The following GABRG3 variants were observed in gnomAD, a reference collection of about 807,000 sequenced individuals.
The protein encoded by GABRG3 is gamma-aminobutyric acid type A receptor subunit gamma3, also known as gamma-aminobutyric acid receptor subunit gamma-3.
In GABRG3, 25 loss-of-function variants were observed where a neutral mutation model predicts 48.8. The ratio of observed to expected loss-of-function variants is 0.51; its 90% CI spans 0.37 to 0.72. The LOEUF (loss-of-function observed/expected upper bound fraction) is 0.72. Among genes scored for constraint, GABRG3 ranks in the 30% least tolerant of loss-of-function variants. The pLI is 0.00. For missense variants in GABRG3, 394 were observed against 577.9 expected, an observed-to-expected ratio of 0.68 and a Z score of 3.26; for synonymous variants, 227 against 217.6, an observed-to-expected ratio of 1.04 and a Z score of -0.38.
At chr15:27,492,133 T>C (rs1335163744) in intron 6 of GABRG3, among the ~76,000 whole-genome samples, 1 of 152,192 alleles carries the variant, frequency 6.6e-6, no homozygotes, top group Non-Finnish European at 1.5e-5. Context: ...TTGTCAGGAC[T>C]AATTATGCTC....
chr15:27,262,683 C>T (rs1489116227), intron 3 of GABRG3, among the ~76,000 whole-genome samples: 1 of 152,196 alleles, frequency 6.6e-6, no homozygotes, highest in Non-Finnish European at 1.5e-5. Flanking sequence ...AATTACATGA[C>T]TTAGAAGAAA....
At chr15:27,162,785 CAGT>C (rs1887239158) in intron 3 of GABRG3, among the ~76,000 whole-genome samples, 2 of 152,118 alleles carry the variant, frequency 1.3e-5, no homozygotes, top group African/African-American at 4.8e-5. Flanking sequence ...TCTGCATTCA[CAGT>C]TGGGATAAGG....
intron 5 of GABRG3, among the ~76,000 whole-genome samples, chr15:27,429,949 G>A (rs187094676): frequency 6.6e-6 from 1 of 152,250 alleles, no homozygotes; most frequent in Non-Finnish European, 1.5e-5. Context: ...GAATTCTGTG[G>A]TCCTATGGAA....
chr15:27,420,327 G>A (rs1435679936), intron 5 of GABRG3, among the ~76,000 whole-genome samples: 1 of 152,174 alleles, frequency 6.6e-6, no homozygotes, highest in East Asian at 1.9e-4. Flanking sequence ...AAATAATCCA[G>A]ACACAGAAAG....
chr15:27,438,359 A>C (rs1213142640), intron 5 of GABRG3, among the ~76,000 whole-genome samples: 1 of 152,252 alleles, frequency 6.6e-6, no homozygotes, highest in African/African-American at 2.4e-5. Context: ...CATTTTTATG[A>C]AGAATTTCAT....
intron 5 of GABRG3, among the ~76,000 whole-genome samples, chr15:27,371,581 T>C (rs1392369277): frequency 6.6e-6 from 1 of 152,188 alleles, no homozygotes; most frequent in African/African-American, 2.4e-5. Flanking sequence ...TAGTTAAGGT[T>C]AAATGATCTT....
chr15:27,015,999 A>G (rs1428219055), intron 2 of GABRG3, among the ~76,000 whole-genome samples: 2 of 151,446 alleles, frequency 1.3e-5, no homozygotes, highest in African/African-American at 4.9e-5. Flanking sequence ...GACTCCACCT[A>G]CCTCTTTGTA....
At chr15:27,364,798 C>T (rs1895136838) in intron 5 of GABRG3, 1 of 152,184 alleles carries the variant, frequency 6.6e-6, no homozygotes, top group African/African-American at 2.4e-5. Context: ...CAAAGGTAAT[C>T]ATAAAGGAGT....
chr15:27,388,255 AAGGAAAGGAG>A (rs1450168112), intron 5 of GABRG3, among the ~76,000 whole-genome samples: 1 of 51,378 alleles, frequency 1.9e-5, no homozygotes, highest in East Asian at 9.9e-4. Flanking sequence ...GAAAGGAAGG[AAGGAAAGGAG>A]GGAGGGAGGG....
At chr15:27,507,178 G>T (rs1394295947) in intron 6 of GABRG3, among the ~76,000 whole-genome samples, 1 of 152,004 alleles carries the variant, frequency 6.6e-6, no homozygotes, top group Non-Finnish European at 1.5e-5. Flanking sequence ...ATAGTCTAAG[G>T]ACTTACTTTG....
intron 2 of GABRG3, among the ~76,000 whole-genome samples, chr15:27,020,359 T>A (rs1407217019): frequency 6.6e-6 from 1 of 152,226 alleles, no homozygotes; most frequent in Non-Finnish European, 1.5e-5. Flanking sequence ...TTTGTCCTTG[T>A]CAACACCTAT....
At chr15:27,065,626 A>T (rs1370076462) in intron 3 of GABRG3, among the ~76,000 whole-genome samples, 1 of 152,178 alleles carries the variant, frequency 6.6e-6, no homozygotes, top group Non-Finnish European at 1.5e-5. Context: ...TGTTGTTTTG[A>T]TAAAAGATGT....
At chr15:27,386,809 T>C (rs1006375752) in intron 5 of GABRG3, among the ~76,000 whole-genome samples, 4 of 152,216 alleles carry the variant, frequency 2.6e-5, no homozygotes, top group Non-Finnish European at 5.9e-5. Context: ...CTAGACATTT[T>C]TAATTATAAC....
intron 5 of GABRG3, among the ~76,000 whole-genome samples, chr15:27,350,588 C>G (rs1894530695): frequency 6.6e-6 from 1 of 152,150 alleles, no homozygotes; most frequent in South Asian, 2.1e-4. Context: ...CCCCTCCTCT[C>G]TACGTCCAGG....
intron 2 of GABRG3, among the ~76,000 whole-genome samples, chr15:27,020,581 T>C (rs1895873557): frequency 9.0e-6 from 1 of 111,102 alleles, no homozygotes; most frequent in Non-Finnish European, 1.7e-5. Flanking sequence ...CCGGCTAATT[T>C]TTTTTTTTTG....
In GABRG3 at chr15:27,540,705, G is replaced by GC. The variant is rs1483459798; in HGVS notation, c.*7824_*7825insC. The GC allele has an allele frequency of 6.6e-6, 1 of 152,214 alleles. No homozygotes were observed. Among genetic ancestry groups the GC allele is most frequent in the Non-Finnish European group, 1.5e-5 (1 of 68,042 alleles). The allele number at this position is 152,214 out of a possible 1,614,324, so 9.4% of individuals were successfully genotyped here. On this transcript the variant is annotated 3_prime_UTR_variant, in exon 10 of 10. Transcript: ENST00000615808. ...TTCCTTTACGTGCAGCTCCGGTACT[G>GC]AGCAAAAGGTTCGTTGTTTAGGAGT...
At chr15:27,213,697 T>G (rs1889146029) in intron 3 of GABRG3, among the ~76,000 whole-genome samples, 1 of 152,204 alleles carries the variant, frequency 6.6e-6, no homozygotes, top group Admixed American at 6.5e-5. Context: ...GCACAGAGCT[T>G]CTTAAAGGAA....
At position 27,538,406 on chromosome 15, in the gene GABRG3, C is replaced by T. The variant is rs895331115; in HGVS notation, c.*5525C>T. The T allele has an allele frequency of 2.6e-5, 4 of 152,178 alleles. No individual in the cohort carries two copies. Among genetic ancestry groups the T allele is most frequent in the African/African-American group, 9.7e-5 (4 of 41,448 alleles). 9.4% of individuals were successfully genotyped at this position (152,178 alleles called of 1,614,324 possible). On this transcript the variant is annotated 3_prime_UTR_variant, in exon 10 of 10. Coordinates refer to ENST00000615808, the MANE Select transcript of GABRG3 (RefSeq NM_033223.5). ...ATTAGGCAGACAAAACATATGTTCT[C>T]ACACACACACCACTTCCAAAACAGA...
chr15:27,273,766 G>A (rs147612531), intron 3 of GABRG3, among the ~76,000 whole-genome samples: 7 of 152,266 alleles, frequency 4.6e-5, no homozygotes, highest in East Asian at 3.9e-4. Context: ...ACATTTTCCC[G>A]AGTATAATCC....
Sources: gnomAD v4.1 joint callset for allele counts (sites outside exome capture counted in the v4.1 genomes callset) on GRCh38, gnomAD v4.1.1 for gene constraint, MANE v1.5 for transcripts, NCBI Gene and HGNC (gene_info 2026-07-23, HGNC 2026-07-21) for gene names.